The following CLVS1 variants were observed in gnomAD, a reference collection of about 807,000 sequenced individuals.
CLVS1 encodes the protein clavesin 1, also known as clavesin-1.
In CLVS1, 10 loss-of-function variants were observed where a neutral mutation model predicts 33.1. The ratio of observed to expected loss-of-function variants is 0.30; its 90% CI spans 0.19 to 0.51. CLVS1 has a LOEUF of 0.51. Ranked by LOEUF, CLVS1 falls within the 20% of genes least tolerant of loss-of-function variation. The probability of loss-of-function intolerance (pLI) is 0.97; values close to 1 mark genes in which losing one functional copy is unlikely to be tolerated. For missense variants in CLVS1, 343 were observed against 433.4 expected, an observed-to-expected ratio of 0.79 and a Z score of 1.85; for synonymous variants, 163 against 166.1, an observed-to-expected ratio of 0.98 and a Z score of 0.14.
chr8:61,183,750 A>G (rs1807286637), intron 2 of CLVS1, among the ~76,000 whole-genome samples: 1 of 152,186 alleles, frequency 6.6e-6, no homozygotes, highest in Non-Finnish European at 1.5e-5. Context: ...AGAGATTTGA[A>G]TATTAGAGAA....
At chr8:61,225,497 C>G (rs1349067239) in intron 2 of CLVS1, among the ~76,000 whole-genome samples, 1 of 152,170 alleles carries the variant, frequency 6.6e-6, no homozygotes, top group Non-Finnish European at 1.5e-5. Flanking sequence ...TTTCAATGCT[C>G]TGAACTTGTT....
Position 61,474,894 on chromosome 8 carries a change from C to T in CLVS1, c.977+16352C>T, listed in dbSNP as rs559466409. 1.3e-4 allele frequency among the ~76,000 whole-genome samples: 20 copies of T among 152,282 alleles called. No homozygotes were observed. In the East Asian group the frequency reaches 2.1e-3, roughly 16 times the overall value. ...ATGTGCCATGTTGGTGTGCTGCACC[C>T]GTTAACTCGTCATTTAGCATTAGGT... On this transcript the variant is annotated intron_variant, in intron 5 of 5. Coordinates refer to ENST00000325897, the MANE Select transcript of CLVS1 (RefSeq NM_173519.3).
intron 1 of CLVS1, among the ~76,000 whole-genome samples, chr8:61,290,821 G>T (rs1209406391): frequency 1.3e-5 from 2 of 152,154 alleles, no homozygotes; most frequent in Non-Finnish European, 2.9e-5. Context: ...CCTCAACATT[G>T]CCAAGAGAGA....
chr8:61,215,895 G>A (rs1585695828), intron 2 of CLVS1, among the ~76,000 whole-genome samples: 1 of 152,064 alleles, frequency 6.6e-6, no homozygotes, highest in African/African-American at 2.4e-5. Flanking sequence ...TACCGCCCCT[G>A]GGTCATTCCA....
chr8:61,256,451 T>G (rs56300577), intron 2 of CLVS1, among the ~76,000 whole-genome samples: 22,028 of 152,122 alleles, frequency 0.14, 3,347 homozygotes, highest in East Asian at 0.67. Flanking sequence ...AGGCGGAGCT[T>G]GCAGTGAGCC....
chr8:61,371,868 G>C (rs532516195), intron 2 of CLVS1, among the ~76,000 whole-genome samples: 1 of 152,080 alleles, frequency 6.6e-6, no homozygotes, highest in East Asian at 1.9e-4. Flanking sequence ...TGAAACCCCT[G>C]TAGATAAACA....
At chr8:61,104,142 G>A (rs533879961) in intron 1 of CLVS1, among the ~76,000 whole-genome samples, 1 of 152,236 alleles carries the variant, frequency 6.6e-6, no homozygotes, top group South Asian at 2.1e-4. Context: ...GTTCTTCTTT[G>A]AAGAGCAAAA....
chr8:61,086,581 A>G (rs1805131202), intron 1 of CLVS1, among the ~76,000 whole-genome samples: 1 of 152,204 alleles, frequency 6.6e-6, no homozygotes, highest in South Asian at 2.1e-4. Flanking sequence ...ATAGCTAAAG[A>G]AGATTATTCA....
intron 3 of CLVS1, among the ~76,000 whole-genome samples, chr8:61,389,857 G>A (rs1286077575): frequency 1.3e-5 from 2 of 152,186 alleles, no homozygotes; most frequent in Admixed American, 1.3e-4. Flanking sequence ...TAAACCTTTG[G>A]TCATTTGTAT....
At chr8:61,332,934 C>A (rs1040833510) in intron 2 of CLVS1, among the ~76,000 whole-genome samples, 5 of 152,200 alleles carry the variant, frequency 3.3e-5, no homozygotes, top group Admixed American at 3.3e-4. Context: ...CGTGCCTGAC[C>A]TAAACTCCCA....
At chr8:61,155,291 C>A (rs1186910110) in intron 2 of CLVS1, among the ~76,000 whole-genome samples, 2 of 152,174 alleles carry the variant, frequency 1.3e-5, no homozygotes, top group Non-Finnish European at 2.9e-5. Context: ...TTCCCCAATG[C>A]AGGATTTTCT....
upstream of CLVS1, among the ~76,000 whole-genome samples, chr8:61,055,050 TTCC>T (rs1196143222): frequency 6.6e-6 from 1 of 152,218 alleles, no homozygotes; most frequent in Admixed American, 6.5e-5. Flanking sequence ...TGGTTGAGAC[TTCC>T]TTCCAATCAT....
the CLVS1 span, among the ~76,000 whole-genome samples, chr8:61,032,984 G>A: frequency 1.3e-4 from 10 of 77,958 alleles, no homozygotes; most frequent in Admixed American, 5.3e-4. Context: ...AAGGAAGGAA[G>A]GAAGGAAGGA....
Position 61,142,548 on chromosome 8 carries a change from C to T in CLVS1, c.-152+10688C>T, listed in dbSNP as rs139474878. On this transcript the variant is annotated intron_variant, in intron 2 of 2. Transcript: ENST00000522621. ...AAAAGGGAAAGGAAGAAACAATGCC[C>T]GCCTCTTGCCATCACAGATAAAGCA... Among the ~76,000 whole-genome samples, 636 of 152,272 alleles carry T rather than the reference C, an allele frequency of 4.2e-3. 5 individuals carry two copies. The highest frequency in any genetic ancestry group is 0.014 in the African/African-American group (583 of 41,542).
At chr8:61,095,529 C>T (rs1009830519) in intron 1 of CLVS1, among the ~76,000 whole-genome samples, 2 of 152,184 alleles carry the variant, frequency 1.3e-5, no homozygotes, top group African/African-American at 4.8e-5. Flanking sequence ...GGGAAGGGTG[C>T]CTGCAGCCCT....
chr8:61,080,153 G>T (rs1804995877), intron 1 of CLVS1, among the ~76,000 whole-genome samples: 1 of 152,036 alleles, frequency 6.6e-6, no homozygotes, highest in South Asian at 2.1e-4. Context: ...CATTTGTGGT[G>T]GTCACTATTT....
intron 2 of CLVS1, among the ~76,000 whole-genome samples, chr8:61,194,103 G>GA (rs1168966234): frequency 1.3e-5 from 2 of 151,976 alleles, no homozygotes; most frequent in South Asian, 2.1e-4. Flanking sequence ...GCAATGTAAT[G>GA]AAAATACATG....
intron 3 of CLVS1, among the ~76,000 whole-genome samples, chr8:61,399,840 G>T (rs1042134961): frequency 1.3e-5 from 2 of 152,138 alleles, no homozygotes; most frequent in Admixed American, 6.5e-5. Flanking sequence ...AGATCAGATG[G>T]TTGTAGGTGT....
chr8:61,429,311 A>G (rs1186457962), intron 3 of CLVS1, among the ~76,000 whole-genome samples: 3 of 151,126 alleles, frequency 2.0e-5, no homozygotes, highest in African/African-American at 7.3e-5. Context: ...TCTCAGCTAC[A>G]TGGGAGGCTG....
Sources: gnomAD v4.1 joint callset for allele counts (sites outside exome capture counted in the v4.1 genomes callset) on GRCh38, gnomAD v4.1.1 for gene constraint, MANE v1.5 for transcripts, NCBI Gene and HGNC (gene_info 2026-07-23, HGNC 2026-07-21) for gene names.